Variants in TNRC6C observed in about 807,000 individuals in gnomAD.
The protein encoded by TNRC6C is trinucleotide repeat-containing gene 6C protein.
A neutral mutation model predicts 153.7 loss-of-function variants in TNRC6C; 20 were observed. That is an observed-to-expected ratio of 0.13 (90% confidence interval 0.09 to 0.19). TNRC6C has a LOEUF of 0.19. TNRC6C is among the 10% of genes least tolerant of loss of function. TNRC6C has a pLI of 1.00. For missense variants in TNRC6C, 1,987 were observed against 2,172.0 expected, an observed-to-expected ratio of 0.91 and a Z score of 1.69; for synonymous variants, 811 against 841.4, an observed-to-expected ratio of 0.96 and a Z score of 0.63.
intron 10 of TNRC6C, among the ~76,000 whole-genome samples, chr17:78,082,417 T>A (rs992305471): frequency 1.3e-5 from 2 of 152,154 alleles, no homozygotes; most frequent in Non-Finnish European, 2.9e-5. Context: ...ATCAGCAGTT[T>A]CTAACAGAGC....
chr17:78,071,251 T>C (rs538021910), intron 6 of TNRC6C, 86 bp downstream of exon 8: 1 of 1,330,306 alleles, frequency 7.5e-7, no homozygotes, highest in South Asian at 1.3e-5. Context: ...TTGTTATGTG[T>C]GTCAGAAGAC....
upstream of TNRC6C, among the ~76,000 whole-genome samples, chr17:77,958,589 G>A (rs980706556): frequency 6.6e-6 from 1 of 152,112 alleles, no homozygotes; most frequent in East Asian, 1.9e-4. Context: ...ATGCAGATAC[G>A]GTGGGAGTCA....
intron 1 of TNRC6C, among the ~76,000 whole-genome samples, chr17:77,963,298 A>G (rs2070874904): frequency 6.6e-6 from 1 of 152,254 alleles, no homozygotes; most frequent in Non-Finnish European, 1.5e-5. Context: ...ACTTGTTTGA[A>G]TAACCCGATT....
rs963738267 is a variant in TNRC6C at position 78,078,071 on chromosome 17, G to A, written c.3210+737G>A. On this transcript the variant is annotated intron_variant, in intron 9 of 19. Coordinates refer to ENST00000301624, the Ensembl canonical transcript of TNRC6C. ...TAAGTAGACACTGTGAGGTGTGGGT[G>A]GCCAAACAGCCTCTGTGTGCACATT... Among the ~76,000 whole-genome samples the A allele has an allele frequency of 2.0e-5, 3 of 152,188 alleles. No homozygotes were observed. The East Asian group carries it at 5.8e-4, about 29-fold the overall frequency.
intron 1 of TNRC6C, among the ~76,000 whole-genome samples, chr17:77,980,352 C>G (rs2071057422): frequency 6.6e-6 from 1 of 152,170 alleles, no homozygotes; most frequent in African/African-American, 2.4e-5. Flanking sequence ...GGGAAAAACA[C>G]AGGTTATTTT....
chr17:78,088,360 A>G (rs1178016661), intron 13 of TNRC6C, among the ~76,000 whole-genome samples: 3 of 152,068 alleles, frequency 2.0e-5, no homozygotes, highest in African/African-American at 7.2e-5. Flanking sequence ...AACTTGGGCA[A>G]CTTGCCTAGC....
At chr17:78,000,630 C>CCCCCCCCCA (rs1555628277), upstream of TNRC6C, among the ~76,000 whole-genome samples, 1 of 62,310 alleles carries the variant, frequency 1.6e-5, no homozygotes, top group African/African-American at 9.4e-5. Context: ...CCCCCCCCCC[C>CCCCCCCCCA]CACACACACA....
At chr17:78,106,301 C>G (rs927384224) in exon 20 of TNRC6C, 11 of 150,778 alleles carry the variant, frequency 7.3e-5, no homozygotes, top group African/African-American at 2.7e-4. Flanking sequence ...TTTCAGAATG[C>G]AGATGCGTTC....
chr17:78,037,443 A>C (rs999835414), intron 2 of TNRC6C, among the ~76,000 whole-genome samples: 2 of 152,256 alleles, frequency 1.3e-5, no homozygotes, highest in Non-Finnish European at 2.9e-5. Flanking sequence ...AGAGATAAGC[A>C]TAGAGTGCCA....
chr17:78,051,181 G>A (rs1475514455), exon 3 of TNRC6C: 2 of 1,575,400 alleles, frequency 1.3e-6, no homozygotes, highest in Admixed American at 3.6e-5. Flanking sequence ...CAGCAGTGAA[G>A]CAACTGGCTG....
rs2073136811 is a variant in TNRC6C, at chr17:78,079,216, T to C, written c.3211-179T>C. Among the ~76,000 whole-genome samples, 1 of 151,964 alleles carries C rather than the reference T, an allele frequency of 6.6e-6. No individual in the cohort carries two copies. The highest frequency in any genetic ancestry group is 2.4e-5 in the African/African-American group (1 of 41,352). On this transcript the variant is annotated intron_variant, in intron 9 of 19. Coordinates refer to ENST00000301624, the Ensembl canonical transcript of TNRC6C. The surrounding 1 kb of genome is among the most constrained non-coding windows in gnomAD (Gnocchi z 4.3). ...GTGAGCCAAGACCGCGCTACTGCAC[T>C]CCAGTCTGGGTGACAGAACAAGACT...
intron 12 of TNRC6C, 82 bp downstream of exon 14, chr17:78,086,668 G>T: frequency 6.4e-7 from 1 of 1,552,532 alleles, no homozygotes; most frequent in Non-Finnish European, 8.9e-7. Flanking sequence ...ACTATTAGAT[G>T]ATCATTGATT....
intron 3 of TNRC6C, among the ~76,000 whole-genome samples, chr17:78,055,415 T>C (rs2072634508): frequency 6.6e-6 from 1 of 152,210 alleles, no homozygotes; most frequent in Admixed American, 6.5e-5. Context: ...TTGTGTGTGC[T>C]AGACCTTGCT....
chr17:78,105,138 AAG>A, exon 20 of TNRC6C: 1 of 328,130 alleles, frequency 3.0e-6, no homozygotes, highest in Non-Finnish European at 5.5e-6. Context: ...TTAAGTATAA[AAG>A]CTGCTTAGAA....
upstream of TNRC6C, chr17:78,004,998 T>C (rs2071471610): frequency 8.9e-7 from 1 of 1,127,578 alleles, no homozygotes; most frequent in African/African-American, 1.6e-5. Context: ...GATGTGTACA[T>C]TCTACACATT....
At chr17:78,053,144 T>G (rs1389024124) in intron 3 of TNRC6C, among the ~76,000 whole-genome samples, 1 of 152,328 alleles carries the variant, frequency 6.6e-6, no homozygotes, top group African/African-American at 2.4e-5. Context: ...CAGTAGCCAC[T>G]GAGCATCATC....
rs996909882 is a variant in TNRC6C at position 78,062,821 on chromosome 17, T to A, written c.2396-1901T>A. 6.6e-5 allele frequency among the ~76,000 whole-genome samples: 10 copies of A among 152,314 alleles called. No individual in the cohort carries two copies. In the East Asian group the frequency reaches 1.2e-3, roughly 18 times the overall value. ...TTTGGGATTAGGGTTACCAAAAGTA[T>A]AACTTAGGACTTCCCAAAAACTTAA... On this transcript the variant is annotated intron_variant, in intron 3 of 19. Coordinates refer to ENST00000301624, the Ensembl canonical transcript of TNRC6C.
At position 78,051,168 on chromosome 17, in the gene TNRC6C, G is replaced by T. The variant is rs34587560; in HGVS notation, c.2106G>T (p.Lys702Asn). The T allele has an allele frequency of 3.8e-6, 6 of 1,577,880 alleles. No homozygotes were observed. The highest frequency in any genetic ancestry group is 1.3e-5 in the African/African-American group (1 of 74,084). ...GGGGGCCGGTACCGGTCAAACAGAA[G>T]GACAGCAGTGAAGCAACTGGCTGGG... Residue 702 changes from lysine to asparagine, a missense_variant, in exon 3 of 20, where the codon AAG (lysine) becomes AAT (asparagine). By Grantham distance (94) the Lys-to-Asn change is moderately conservative. Transcript: ENST00000301624.
chr17:78,002,596 T>A (rs944889765), upstream of TNRC6C, among the ~76,000 whole-genome samples: 1 of 152,198 alleles, frequency 6.6e-6, no homozygotes, highest in Non-Finnish European at 1.5e-5. Context: ...AGAGCACTTA[T>A]AAAGCTATTG....
Sources: gnomAD v4.1 joint callset for allele counts (sites outside exome capture counted in the v4.1 genomes callset) on GRCh38, gnomAD v4.1.1 for gene constraint, Gnocchi (gnomAD v3.1) non-coding constraint, MANE v1.5 for transcripts, NCBI Gene and HGNC (gene_info 2026-07-23, HGNC 2026-07-21) for gene names.